The following SOAT1 variants were observed in gnomAD, a reference collection of about 807,000 sequenced individuals.
The protein encoded by SOAT1 is sterol O-acyltransferase 1, also known as acyl-coenzyme A:cholesterol acyltransferase 1.
SOAT1 carries 55 observed loss-of-function variants against 69.5 expected under a neutral mutation model. The observed-to-expected ratio is 0.79, with a 90% CI of 0.64 to 0.99. The LOEUF (loss-of-function observed/expected upper bound fraction) is 0.99. Among genes scored for constraint, SOAT1 ranks in the 50% least tolerant of loss-of-function variants. The pLI, the probability that SOAT1 is intolerant of heterozygous loss-of-function variation, is 0.00. For missense variants in SOAT1, 580 were observed against 669.3 expected (o/e 0.87, Z 1.47); for synonymous variants, 231 against 224.7 (o/e 1.03, Z -0.25).
At chr1:179,352,225 A>G (rs1473990766) in intron 15 of SOAT1, among the ~76,000 whole-genome samples, 1 of 148,934 alleles carries the variant, frequency 6.7e-6, no homozygotes, top group African/African-American at 2.5e-5. Context: ...TTAGCTATAC[A>G]TGGGTACAGA....
chr1:179,297,748 A>AT (rs986907082), intron 1 of SOAT1, among the ~76,000 whole-genome samples: 19 of 150,302 alleles, frequency 1.3e-4, no homozygotes, highest in African/African-American at 4.6e-4. Context: ...AAAAAAAAAA[A>AT]ATGCCGGGCG....
At chr1:179,326,550 CTTTTTTTTTTT>C (rs10568516) in intron 3 of SOAT1, among the ~76,000 whole-genome samples, 1 of 106,322 alleles carries the variant, frequency 9.4e-6, no homozygotes, top group East Asian at 2.2e-4. Flanking sequence ...AATTTCTTTT[CTTTTTTTTTTT>C]TTTTTTTTTT....
At chr1:179,345,750 A>G (rs1016133756) in intron 11 of SOAT1, among the ~76,000 whole-genome samples, 1 of 151,864 alleles carries the variant, frequency 6.6e-6, no homozygotes, top group Admixed American at 6.6e-5. Flanking sequence ...GGGTCTCCCT[A>G]TGTTGCCCAG....
chr1:179,303,649 A>G (rs1190376491), intron 2 of SOAT1, among the ~76,000 whole-genome samples: 4 of 152,222 alleles, frequency 2.6e-5, no homozygotes, highest in Non-Finnish European at 4.4e-5. Context: ...CCAGGAATGT[A>G]AACATTGCTG....
intron 1 of SOAT1, among the ~76,000 whole-genome samples, chr1:179,297,908 A>G (rs148357084): frequency 0.01 from 1,534 of 150,824 alleles, 22 homozygotes; most frequent in Non-Finnish European, 0.013. Flanking sequence ...AGGCTGAGGC[A>G]GGAGAATCGC....
At chr1:179,303,705 A>G (rs1664911582) in intron 2 of SOAT1, among the ~76,000 whole-genome samples, 1 of 152,196 alleles carries the variant, frequency 6.6e-6, no homozygotes, top group Non-Finnish European at 1.5e-5. Context: ...TTAGTTAGCT[A>G]TATATGACAT....
chr1:179,323,611 G>A (rs1665681900), intron 3 of SOAT1, 116 bp downstream of exon 3: 3 of 814,890 alleles, frequency 3.7e-6, no homozygotes, highest in Non-Finnish European at 5.9e-6. Context: ...ATCAGTTGCT[G>A]TTATCCTGTG....
At chr1:179,318,984 G>C (rs537609102) in intron 2 of SOAT1, among the ~76,000 whole-genome samples, 2 of 152,032 alleles carry the variant, frequency 1.3e-5, no homozygotes, top group Non-Finnish European at 2.9e-5. Context: ...GTCTTATGTT[G>C]GCTCTGTGTT....
Position 179,304,900 on chromosome 1 carries a change from T to C in SOAT1, c.118+2098T>C, listed in dbSNP as rs1388300054. Among the ~76,000 whole-genome samples, 3 of 152,184 alleles carry C rather than the reference T, an allele frequency of 2.0e-5. No individual in the cohort carries two copies. The East Asian group carries it at 5.8e-4, about 29-fold the overall frequency. ...GGCAAGTGATTTGGTTGCCCCGACC[T>C]CCCAAAGTGCTGGTTTTATAGGCAT... is the stretch of plus-strand genomic sequence containing the variant. On this transcript the variant is annotated intron_variant, in intron 2 of 15. Transcript: ENST00000367619.
At chr1:179,303,475 T>C (rs577067926) in intron 2 of SOAT1, among the ~76,000 whole-genome samples, 34 of 152,360 alleles carry the variant, frequency 2.2e-4, no homozygotes, top group African/African-American at 7.9e-4. Flanking sequence ...TGTAAAGGTT[T>C]GATTTCAACA....
intron 4 of SOAT1, among the ~76,000 whole-genome samples, chr1:179,337,232 G>A (rs998921602): frequency 6.6e-6 from 1 of 152,160 alleles, no homozygotes; most frequent in Non-Finnish European, 1.5e-5. Flanking sequence ...TTATAGTTAA[G>A]TGCTGGTAGT....
intron 3 of SOAT1, among the ~76,000 whole-genome samples, chr1:179,333,397 T>TAAAA (rs34739118): frequency 2.0e-5 from 3 of 147,598 alleles, no homozygotes; most frequent in African/African-American, 2.5e-5. Flanking sequence ...ATTCCTCTTC[T>TAAAA]AAAAAAAAAA....
At chr1:179,302,418 G>C (rs145147401) in intron 1 of SOAT1, among the ~76,000 whole-genome samples, 3 of 152,134 alleles carry the variant, frequency 2.0e-5, no homozygotes, top group Non-Finnish European at 2.9e-5. Context: ...TGCTGTTCTC[G>C]TGATAGTGAG....
At chr1:179,335,427 A>AAC in intron 3 of SOAT1, 79 bp from the exon 4 acceptor site, 1 of 1,268,700 alleles carries the variant, frequency 7.9e-7, no homozygotes, top group Non-Finnish European at 1.1e-6. Flanking sequence ...GCTCTGTTTA[A>AAC]GGGAGCCCTT....
At chr1:179,335,894 C>T (rs781519995) in intron 4 of SOAT1, among the ~76,000 whole-genome samples, 1 of 152,192 alleles carries the variant, frequency 6.6e-6, no homozygotes, top group Non-Finnish European at 1.5e-5. Flanking sequence ...CACAGTGGCT[C>T]ACGCCTGTAA....
At chr1:179,309,075 T>C (rs1231052489) in intron 2 of SOAT1, among the ~76,000 whole-genome samples, 1 of 152,188 alleles carries the variant, frequency 6.6e-6, no homozygotes, top group Non-Finnish European at 1.5e-5. Context: ...CTTGTACTGG[T>C]ATACCTATAG....
intron 9 of SOAT1, 133 bp from the exon 10 acceptor site, chr1:179,343,455 GGT>G (rs1193091988): frequency 1.6e-6 from 1 of 635,954 alleles, no homozygotes; most frequent in African/African-American, 1.9e-5. Flanking sequence ...TCGAACTCCT[GGT>G]CACTGCCTTC....
At chr1:179,339,133 T>A (rs906727210) in intron 5 of SOAT1, among the ~76,000 whole-genome samples, 3 of 152,172 alleles carry the variant, frequency 2.0e-5, no homozygotes, top group African/African-American at 7.2e-5. Flanking sequence ...AATTTTAACA[T>A]TTTGGAAATA....
At chr1:179,316,027 C>T (rs1665379923) in intron 2 of SOAT1, among the ~76,000 whole-genome samples, 1 of 152,178 alleles carries the variant, frequency 6.6e-6, no homozygotes, top group African/African-American at 2.4e-5. Flanking sequence ...TTGTAAATAT[C>T]TTAAATTAAT....
Sources: gnomAD v4.1 joint callset for allele counts (sites outside exome capture counted in the v4.1 genomes callset) on GRCh38, gnomAD v4.1.1 for gene constraint, MANE v1.5 for transcripts, NCBI Gene and HGNC (gene_info 2026-07-23, HGNC 2026-07-21) for gene names.